The following LDLRAD4 variants were observed in gnomAD, a reference collection of about 807,000 sequenced individuals.
The protein encoded by LDLRAD4 is low-density lipoprotein receptor class A domain-containing protein 4.
A neutral mutation model predicts 17.0 loss-of-function variants in LDLRAD4; 5 were observed. The ratio of observed to expected loss-of-function variants is 0.29; its 90% CI spans 0.15 to 0.62. LDLRAD4 has a LOEUF of 0.62. Ranked by LOEUF, LDLRAD4 falls within the 20% of genes least tolerant of loss-of-function variation. The pLI is 0.84. For missense variants in LDLRAD4, 340 were observed against 424.7 expected (o/e 0.80, Z 1.75); for synonymous variants, 168 against 171.8 (o/e 0.98, Z 0.17).
At chr18:13,539,260 C>G (rs1458793522) in intron 3 of LDLRAD4, among the ~76,000 whole-genome samples, 2 of 152,118 alleles carry the variant, frequency 1.3e-5, no homozygotes, top group African/African-American at 2.4e-5. Context: ...ACTGTGTGAG[C>G]GCAAGGACCC....
chr18:13,286,943 TG>T (rs1291331972), intron 1 of LDLRAD4, among the ~76,000 whole-genome samples: 1 of 152,070 alleles, frequency 6.6e-6, no homozygotes, highest in Non-Finnish European at 1.5e-5. Context: ...GCTTCAGTCT[TG>T]GGTAAAGAGA....
At chr18:13,375,291 C>T (rs2144951996) in intron 1 of LDLRAD4, among the ~76,000 whole-genome samples, 1 of 152,300 alleles carries the variant, frequency 6.6e-6, no homozygotes, top group Non-Finnish European at 1.5e-5. Context: ...CAGTCATTCC[C>T]TTTTCCTCCA....
intron 2 of LDLRAD4, chr18:13,420,501 G>A (rs1479345673): frequency 6.6e-6 from 1 of 152,240 alleles, no homozygotes. Context: ...AGCGTTCTGT[G>A]GGCATTATCT....
intron 3 of LDLRAD4, among the ~76,000 whole-genome samples, chr18:13,533,757 G>T (rs1601166740): frequency 6.6e-6 from 1 of 152,090 alleles, no homozygotes; most frequent in South Asian, 2.1e-4. Flanking sequence ...GAGTTTAATG[G>T]CTTACTTCAA....
chr18:13,445,377 C>T (rs866406315), intron 3 of LDLRAD4, among the ~76,000 whole-genome samples: 3 of 151,212 alleles, frequency 2.0e-5, no homozygotes, highest in East Asian at 2.0e-4. Flanking sequence ...GTGTGTGAGT[C>T]TGGTGTGTGC....
At chr18:13,245,075 G>A (rs1024318111) in intron 1 of LDLRAD4, among the ~76,000 whole-genome samples, 3 of 152,162 alleles carry the variant, frequency 2.0e-5, no homozygotes, top group African/African-American at 4.8e-5. Context: ...TTGGTGGGGG[G>A]CATGGGTTCC....
chr18:13,477,654 A>T (rs2092976831), intron 3 of LDLRAD4, among the ~76,000 whole-genome samples: 1 of 152,228 alleles, frequency 6.6e-6, no homozygotes, highest in Non-Finnish European at 1.5e-5. Context: ...CTCTTTTCAT[A>T]GCTGAGAAAA....
chr18:13,587,422 G>A (rs980089217), intron 3 of LDLRAD4, among the ~76,000 whole-genome samples: 5 of 152,144 alleles, frequency 3.3e-5, no homozygotes, highest in African/African-American at 1.2e-4. Flanking sequence ...TCTTTACCGA[G>A]AACAGTCGAC....
intron 3 of LDLRAD4, among the ~76,000 whole-genome samples, chr18:13,463,117 C>T (rs2092490835): frequency 6.6e-6 from 1 of 152,166 alleles, no homozygotes; most frequent in Non-Finnish European, 1.5e-5. Flanking sequence ...AGATGCCACA[C>T]CGGGTTTCTA....
chr18:13,403,345 C>G (rs1236791511), intron 2 of LDLRAD4, among the ~76,000 whole-genome samples: 1 of 152,208 alleles, frequency 6.6e-6, no homozygotes, highest in East Asian at 1.9e-4. Context: ...GGACTGGAGT[C>G]TCTCTTCTGT....
intron 1 of LDLRAD4, among the ~76,000 whole-genome samples, chr18:13,260,427 A>G (rs2043751498): frequency 6.6e-6 from 1 of 152,220 alleles, no homozygotes. Flanking sequence ...GTACTGTCAT[A>G]AATGCCTTAA....
At chr18:13,507,107 A>C (rs8096281) in intron 3 of LDLRAD4, among the ~76,000 whole-genome samples, 42,526 of 152,018 alleles carry the variant, frequency 0.28, 6,106 homozygotes, top group Middle Eastern at 0.5. Flanking sequence ...TCAACTTCTT[A>C]TTATATGTTA....
chr18:13,332,656 C>T (rs73421305), intron 1 of LDLRAD4, among the ~76,000 whole-genome samples: 2,276 of 152,166 alleles, frequency 0.015, 29 homozygotes, highest in African/African-American at 0.042. Flanking sequence ...TCATAGAGTA[C>T]GTAGCCTTTC....
chr18:13,469,649 T>C (rs1223266507), intron 3 of LDLRAD4, among the ~76,000 whole-genome samples: 1 of 152,246 alleles, frequency 6.6e-6, no homozygotes, highest in Non-Finnish European at 1.5e-5. Flanking sequence ...ATGATACTGC[T>C]TATATGAAAT....
chr18:13,430,369 C>T lies in LDLRAD4; in HGVS notation c.41-7875C>T, dbSNP rs1032641613. Among the ~76,000 whole-genome samples the T allele has an allele frequency of 5.3e-5, 8 of 152,138 alleles. No homozygotes were observed. The East Asian group carries it at 7.7e-4, about 15-fold the overall frequency. On this transcript the variant is annotated intron_variant, in intron 2 of 5. Coordinates refer to ENST00000359446, the Ensembl canonical transcript of LDLRAD4. Reference sequence around the variant, plus strand: ...CGAGAAGGTTATGCGAGGTTAGTCCCGATGAGGGTGTATTAAAAGCTCGGC... The same window carrying T: ...CGAGAAGGTTATGCGAGGTTAGTCCTGATGAGGGTGTATTAAAAGCTCGGC...
At chr18:13,642,229 T>A in intron 4 of LDLRAD4, 1 of 986,268 alleles carries the variant, frequency 1.0e-6, no homozygotes, top group Non-Finnish European at 1.2e-6. Flanking sequence ...CGTCCCTCGC[T>A]GCTGGCGCCG....
chr18:13,432,129 G>C (rs2090385012), intron 2 of LDLRAD4, among the ~76,000 whole-genome samples: 1 of 152,204 alleles, frequency 6.6e-6, no homozygotes, highest in African/African-American at 2.4e-5. Flanking sequence ...TTGCACTGCA[G>C]GTTTCCCCAG....
intron 1 of LDLRAD4, among the ~76,000 whole-genome samples, chr18:13,255,638 G>A (rs2043462532): frequency 6.6e-6 from 1 of 152,202 alleles, no homozygotes; most frequent in Non-Finnish European, 1.5e-5. Context: ...GGTTTCCAGA[G>A]GGTCAGGGTC....
exon 2 of LDLRAD4, chr18:13,387,676 G>A (rs2085933458): frequency 3.1e-6 from 5 of 1,600,108 alleles, no homozygotes; most frequent in East Asian, 4.5e-5. Context: ...CGGCTTCCTC[G>A]ACGGGACAGC....
Sources: allele counts gnomAD v4.1 joint callset (sites outside exome capture counted in the v4.1 genomes callset), GRCh38; gene constraint gnomAD v4.1.1; transcripts MANE v1.5; gene names NCBI Gene and HGNC (gene_info 2026-07-23, HGNC 2026-07-21).